The following C5orf15 variants were observed in gnomAD, a reference collection of about 807,000 sequenced individuals.
C5orf15 encodes the protein keratinocyte-associated transmembrane protein 2.
A neutral mutation model predicts 17.8 loss-of-function variants in C5orf15; 10 were observed. The ratio of observed to expected loss-of-function variants is 0.56; its 90% CI spans 0.35 to 0.95. The LOEUF is 0.95. C5orf15 is among the 40% of genes least tolerant of loss of function. The probability of loss-of-function intolerance (pLI) is 0.02; values close to 1 mark genes in which losing one functional copy is unlikely to be tolerated. For synonymous variants in C5orf15, 124 were observed against 131.0 expected (o/e 0.95, Z 0.36); for missense variants, 319 against 331.7 (o/e 0.96, Z 0.30).
At chr5:133,958,532 G>A (rs1197645194) in intron 2 of C5orf15, among the ~76,000 whole-genome samples, 6 of 123,116 alleles carry the variant, frequency 4.9e-5, no homozygotes, top group Non-Finnish European at 7.9e-5. Flanking sequence ...AGCCGAGATC[G>A]CACCACTGCT....
Position 133,957,135 on chromosome 5 carries a change from C to A in C5orf15, c.667-145G>T, listed in dbSNP as rs1458757071. ...ACAAAAAAGCTATTTTAGGCCGAGG[C>A]AGGCAGATCACTTGAGCCCAGGAGT... On this transcript the variant is annotated intron_variant, in intron 2 of 2. Coordinates refer to ENST00000231512, the MANE Select transcript of C5orf15 (RefSeq NM_020199.3). The A allele has an allele frequency of 1.1e-5, 7 of 664,382 alleles. No individual in the cohort carries two copies. The East Asian group carries it at 2.0e-4, about 19-fold the overall frequency. 41.2% of individuals were successfully genotyped at this position (664,382 alleles called of 1,614,324 possible).
At chr5:133,965,943 G>T (rs1752184473) in intron 1 of C5orf15, among the ~76,000 whole-genome samples, 1 of 151,620 alleles carries the variant, frequency 6.6e-6, no homozygotes, top group African/African-American at 2.4e-5. Context: ...AAACAAAAAA[G>T]GCTGGGCACA....
In C5orf15 at chr5:133,968,607, C is replaced by A. The variant is rs771604817; in HGVS notation, c.-23G>T. On this transcript the variant is annotated 5_prime_UTR_variant, in exon 1 of 3. Transcript: ENST00000231512. ...CATAACGGACTCGGCTGGGAGCCTG[C>A]GCTGTTGCTAGGCTCTACGCCATGA... 12 of 1,592,772 alleles carry A rather than the reference C, an allele frequency of 7.5e-6. No homozygotes were observed. The highest frequency in any genetic ancestry group is 9.4e-6 in the Non-Finnish European group (11 of 1,170,244).
intron 1 of C5orf15, among the ~76,000 whole-genome samples, chr5:133,963,584 A>G (rs1752151314): frequency 6.6e-6 from 1 of 152,208 alleles, no homozygotes; most frequent in Non-Finnish European, 1.5e-5. Flanking sequence ...TGACTTCCTT[A>G]GGTTTTTCTT....
chr5:133,968,312 G>A (rs901645509), intron 1 of C5orf15, 134 bp downstream of exon 1: 2 of 1,225,544 alleles, frequency 1.6e-6, no homozygotes, highest in African/African-American at 1.5e-5. Context: ...CAGGCCCGCG[G>A]AGACCCTGAC....
Position 133,955,618 on chromosome 5 carries a change from A to G in C5orf15, c.*1241T>C, listed in dbSNP as rs1029401607. 2 of 152,670 alleles carry G rather than the reference A, an allele frequency of 1.3e-5. No individual in the cohort carries two copies. Among genetic ancestry groups the G allele is most frequent in the African/African-American group, 4.8e-5 (2 of 41,466 alleles). 9.5% of individuals were successfully genotyped at this position (152,670 alleles called of 1,614,324 possible). ...AATAAAACGGTTCAGGGGTATTTCC[A>G]TTGTGCTTCCCTTCCCTATTAGGAA... On this transcript the variant is annotated 3_prime_UTR_variant, in exon 3 of 3. Coordinates refer to ENST00000231512, the MANE Select transcript of C5orf15 (RefSeq NM_020199.3).
intron 1 of C5orf15, among the ~76,000 whole-genome samples, chr5:133,966,442 C>G (rs1199504380): frequency 1.3e-5 from 2 of 152,012 alleles, no homozygotes; most frequent in Non-Finnish European, 2.9e-5. Context: ...TGTAGAGAAC[C>G]AGGCATTTTT....
rs778567814 is a variant in C5orf15 at position 133,968,573 on chromosome 5, G to C, written c.12C>G (p.Ala4=). The part of the protein sequence containing the change: MAA[A]VPKRMRGPAQ... ...CTGGCCCCCTCATCCTCTTCGGGAC[G>C]GCAGCGGCCATAACGGACTCGGCTG... Residue 4 remains alanine (A), a synonymous_variant, in exon 1 of 3, where the codon GCC becomes GCG. Coordinates refer to ENST00000231512, the MANE Select transcript of C5orf15 (RefSeq NM_020199.3). 3.7e-6 allele frequency: 6 copies of C among 1,609,236 alleles called. No individual in the cohort carries two copies. Among genetic ancestry groups the C allele is most frequent in the East Asian group, 2.2e-5 (1 of 44,776 alleles).
chr5:133,966,159 T>C (rs1355627999), intron 1 of C5orf15, among the ~76,000 whole-genome samples: 1 of 151,440 alleles, frequency 6.6e-6, no homozygotes, highest in Non-Finnish European at 1.5e-5. Flanking sequence ...AGGCGGAGGT[T>C]GCAATGAGCC....
chr5:133,961,493 C>A (rs893264925), intron 1 of C5orf15, among the ~76,000 whole-genome samples: 20 of 150,520 alleles, frequency 1.3e-4, no homozygotes, highest in Admixed American at 3.3e-4. Flanking sequence ...TTGCAGTGAG[C>A]CGAGATGGCG....
rs1001084276 is a variant in C5orf15, at chr5:133,966,502, T to A, written c.139+1944A>T. On this transcript the variant is annotated intron_variant, in intron 1 of 2. Transcript: ENST00000231512. ...CACCCAGTGATCCAAACTGCTTATG[T>A]TAATTTTTTAGACTTGATCAAAACA... Among the ~76,000 whole-genome samples, 3 of 152,250 alleles carry A rather than the reference T, an allele frequency of 2.0e-5. No individual in the cohort carries two copies. The South Asian group carries it at 6.2e-4, about 31-fold the overall frequency.
chr5:133,963,469 A>C (rs1267229690), intron 1 of C5orf15, among the ~76,000 whole-genome samples: 1 of 152,222 alleles, frequency 6.6e-6, no homozygotes, highest in Non-Finnish European at 1.5e-5. Flanking sequence ...AAAACAACTA[A>C]AAGCTCTGAA....
In C5orf15 at chr5:133,968,539, T is replaced by C; in HGVS notation, c.46A>G (p.Lys16Glu). 4 of 1,609,620 alleles carry C rather than the reference T, an allele frequency of 2.5e-6. No homozygotes were observed. Among genetic ancestry groups the C allele is most frequent in the Non-Finnish European group, 3.4e-6 (4 of 1,178,550 alleles). ...PKRMRGPAQA[K>E]LLPGSAIQAL... The stretch of plus-strand genomic sequence containing the variant: ...TGGATGGCCGACCCGGGCAGCAGTT[T>C]CGCTTGTGCTGGCCCCCTCATCCTC... The change falls in exon 1 of 3, where the codon AAA (lysine) becomes GAA (glutamate). Residue 16 changes from lysine (K) to glutamate (E), a missense_variant. Physicochemically the swap from Lys to Glu is moderately conservative, Grantham distance 56. Transcript: ENST00000231512.
At chr5:133,961,545 CAAA>C (rs756460747) in intron 1 of C5orf15, among the ~76,000 whole-genome samples, 1 of 61,326 alleles carries the variant, frequency 1.6e-5, no homozygotes. Context: ...GACCACATCT[CAAA>C]AAAAAAAAAA....
At position 133,964,166 on chromosome 5, in the gene C5orf15, G is replaced by A. The variant is rs533668527; in HGVS notation, c.140-4146C>T. ...TGGGAGGCGGAGGTTGCAGTGAGCC[G>A]AGATCGTGCCATTGCACTCCAGCCT... On this transcript the variant is annotated intron_variant, in intron 1 of 2. Coordinates refer to ENST00000231512, the MANE Select transcript of C5orf15 (RefSeq NM_020199.3). Among the ~76,000 whole-genome samples, 5 of 152,210 alleles carry A rather than the reference G, an allele frequency of 3.3e-5. No individual in the cohort carries two copies. In the East Asian group the frequency reaches 5.8e-4, roughly 18 times the overall value.
chr5:133,959,366 C>CTTGGTT (rs2126876527), intron 2 of C5orf15, 128 bp downstream of exon 2: 1 of 570,072 alleles, frequency 1.8e-6, no homozygotes, highest in Non-Finnish European at 2.7e-6. Context: ...TGTACTCCAG[C>CTTGGTT]TTGGTTGACA....
chr5:133,957,440 T>C (rs556075065), intron 2 of C5orf15, among the ~76,000 whole-genome samples: 1 of 152,170 alleles, frequency 6.6e-6, no homozygotes, highest in Non-Finnish European at 1.5e-5. Context: ...AATTTCAATA[T>C]ATATAGGAAT....
chr5:133,958,603 A>AG (rs1752072160), intron 2 of C5orf15, among the ~76,000 whole-genome samples: 1 of 150,320 alleles, frequency 6.7e-6, no homozygotes, highest in Admixed American at 6.6e-5. Flanking sequence ...AAAAAAAAAA[A>AG]ACTCTGTGAG....
rs530274263 is a variant in C5orf15, at chr5:133,957,644, ATATAGCAC to A, written c.667-662_667-655del. Among the ~76,000 whole-genome samples, 66 of 152,356 alleles carry A rather than the reference ATATAGCAC, an allele frequency of 4.3e-4. No homozygotes were observed. In the East Asian group the frequency reaches 0.012, roughly 27 times the overall value. On this transcript the variant is annotated intron_variant, in intron 2 of 2. Coordinates refer to ENST00000231512, the MANE Select transcript of C5orf15 (RefSeq NM_020199.3). ...CCCATAAACACTTACAAAGCTAGCA[ATATAGCAC>A]TAAATACAAATAACCAGAAGAGTTG...
Sources: gnomAD v4.1 joint callset for allele counts (sites outside exome capture counted in the v4.1 genomes callset) on GRCh38, gnomAD v4.1.1 for gene constraint, MANE v1.5 for transcripts, NCBI Gene and HGNC (gene_info 2026-07-23, HGNC 2026-07-21) for gene names.